The following IREB2 variants were observed in gnomAD, a reference collection of about 807,000 sequenced individuals.
IREB2 encodes iron responsive element binding protein 2, also known as iron-responsive element-binding protein 2.
In IREB2, 39 loss-of-function variants were observed where a neutral mutation model predicts 118.8. The observed-to-expected ratio is 0.33, with a 90% CI of 0.25 to 0.43. IREB2 has a LOEUF of 0.43. Ranked by LOEUF, IREB2 falls within the 20% of genes least tolerant of loss-of-function variation. The pLI, the probability that IREB2 is intolerant of heterozygous loss-of-function variation, is 1.00. For synonymous variants in IREB2, 372 were observed against 392.2 expected (o/e 0.95, Z 0.61); for missense variants, 900 against 1,147.3 (o/e 0.78, Z 3.11).
intron 18 of IREB2, among the ~76,000 whole-genome samples, chr15:78,491,669 T>TA (rs1365913327): frequency 1.3e-5 from 2 of 152,126 alleles, no homozygotes. Flanking sequence ...AGCAAGTTTT[T>TA]ATATTTTTAG....
intron 2 of IREB2, among the ~76,000 whole-genome samples, chr15:78,442,184 C>T (rs1461902084): frequency 6.6e-6 from 1 of 152,188 alleles, no homozygotes; most frequent in Non-Finnish European, 1.5e-5. Context: ...GAGTGAGCCA[C>T]TGCGCCCAGC....
intron 2 of IREB2, among the ~76,000 whole-genome samples, chr15:78,443,525 G>A (rs866064334): frequency 1.3e-5 from 2 of 151,810 alleles, no homozygotes; most frequent in African/African-American, 2.4e-5. Flanking sequence ...TATACTCAGG[G>A]TATCTCTATG....
At chr15:78,496,802 G>T (rs1222173175) in intron 20 of IREB2, among the ~76,000 whole-genome samples, 3 of 152,134 alleles carry the variant, frequency 2.0e-5, no homozygotes, top group Non-Finnish European at 4.4e-5. Context: ...GATCTGGCAT[G>T]TTTAAATAGA....
At chr15:78,466,597 T>A in intron 5 of IREB2, 108 bp downstream of exon 5, 1 of 715,092 alleles carries the variant, frequency 1.4e-6, no homozygotes, top group Non-Finnish European at 2.4e-6. Context: ...CCTTCACACT[T>A]AAGTACTGAA....
At position 78,471,597 on chromosome 15, in the gene IREB2, T is replaced by C. The variant is rs149204763; in HGVS notation, c.700-144T>C. 3.3e-3 allele frequency: 1,505 copies of C among 462,318 alleles called. 21 individuals carry two copies. Among genetic ancestry groups the C allele is most frequent in the African/African-American group, 0.027 (1,358 of 50,328 alleles). 28.6% of individuals were successfully genotyped at this position (462,318 alleles called of 1,614,324 possible). A position where few individuals can be genotyped will look rare whatever the true frequency, so the allele number is the denominator to read the frequency against. The stretch of plus-strand genomic sequence containing the variant: ...TACATTTAGGTTCAGTATCTGTATA[T>C]TTGTTTTTAACTATGTGATATGAAC... On this transcript the variant is annotated intron_variant, in intron 6 of 21. Transcript: ENST00000258886.
At chr15:78,453,922 C>T (rs761808870) in intron 2 of IREB2, among the ~76,000 whole-genome samples, 9 of 152,282 alleles carry the variant, frequency 5.9e-5, no homozygotes, top group African/African-American at 1.4e-4. Flanking sequence ...AGTTTCTCTG[C>T]GTTGATGTTT....
At chr15:78,468,965 C>A (rs533446052) in intron 5 of IREB2, among the ~76,000 whole-genome samples, 1 of 152,242 alleles carries the variant, frequency 6.6e-6, no homozygotes, top group South Asian at 2.1e-4. Context: ...TCATTGATTT[C>A]TTTAGTTTTT....
intron 8 of IREB2, chr15:78,474,603 T>G (rs1193821539): frequency 6.6e-6 from 1 of 152,236 alleles, no homozygotes; most frequent in Non-Finnish European, 1.5e-5. Flanking sequence ...GTTAAAAAAT[T>G]AATCTATTAT....
intron 20 of IREB2, among the ~76,000 whole-genome samples, chr15:78,496,158 G>C (rs11636431): frequency 0.21 from 31,302 of 152,138 alleles, 3,956 homozygotes; most frequent in East Asian, 0.33. Context: ...TGCGGTTTCA[G>C]CATTGTCTTC....
rs2051792873 is a variant in IREB2, at chr15:78,493,822, A to G, written c.2325-87A>G. The stretch of plus-strand genomic sequence containing the variant: ...TTGTGTTTGAAATTTTCTGTGATAA[A>G]AAAATTTTTCAATAGGTCTTACAGC... On this transcript the variant is annotated intron_variant, in intron 18 of 21. Transcript: ENST00000258886. 2.3e-6 allele frequency: 3 copies of G among 1,303,040 alleles called. No individual in the cohort carries two copies. The East Asian group carries it at 7.1e-5, about 31-fold the overall frequency. The allele number at this position is 1,303,040 out of a possible 1,614,324, so 80.7% of individuals were successfully genotyped here.
Position 78,466,373 on chromosome 15 carries a change from G to A in IREB2, c.513G>A (p.Gln171=), listed in dbSNP as rs2051282783. 6.2e-7 allele frequency: 1 copy of A among 1,614,094 alleles called. No homozygotes were observed. Among genetic ancestry groups the A allele is most frequent in the African/African-American group, 1.3e-5 (1 of 75,038 alleles). ...VQPKKLPCRG[Q]TTCRGSCDSG... is the part of the protein sequence containing the mutation. ...CTAAGAAGCTTCCCTGCAGAGGCCA[G>A]ACTACCTGCCGAGGATCTTGTGATT... The change falls in exon 5 of 22, where the codon CAG becomes CAA. Residue 171 remains glutamine, a synonymous_variant. Transcript: ENST00000258886.
chr15:78,438,700 C>T (rs1354271204), intron 1 of IREB2: 2 of 391,432 alleles, frequency 5.1e-6, no homozygotes, highest in Non-Finnish European at 9.4e-6. Context: ...CCGTCTTCTC[C>T]TGCCCGCCCC....
At chr15:78,493,379 T>G (rs1397790109) in intron 18 of IREB2, among the ~76,000 whole-genome samples, 1 of 152,188 alleles carries the variant, frequency 6.6e-6, no homozygotes, top group African/African-American at 2.4e-5. Context: ...TTCTGCATCC[T>G]GTGAATAATA....
intron 2 of IREB2, among the ~76,000 whole-genome samples, chr15:78,448,474 AAAAAG>A (rs745414282): frequency 3.3e-5 from 5 of 152,188 alleles, no homozygotes; most frequent in Non-Finnish European, 7.4e-5. Context: ...AAGAGAGAAA[AAAAAG>A]GTCAGAATTT....
chr15:78,444,320 T>C (rs536973836), intron 2 of IREB2, among the ~76,000 whole-genome samples: 9 of 152,018 alleles, frequency 5.9e-5, no homozygotes, highest in African/African-American at 2.2e-4. Flanking sequence ...ATGAACAGCA[T>C]AATGGAAACA....
Position 78,471,897 on chromosome 15 carries a change from G to A in IREB2, c.856G>A (p.Val286Met). The change falls in exon 7 of 22, where the codon GTG becomes ATG. Residue 286 changes from valine to methionine, a missense_variant. By Grantham distance (21) the Val-to-Met change is conservative (BLOSUM62 1). Transcript: ENST00000258886. ...VVGTDSHITM[V>M]NGLGILGWGV... ...CGGCACAGATTCACACATAACGATGGTGAATGGTTTAGGGATTCTGGGGTG... is the reference window on the plus strand; with the variant it reads ...CGGCACAGATTCACACATAACGATGATGAATGGTTTAGGGATTCTGGGGTG... 2 of 1,604,966 alleles carry A rather than the reference G, an allele frequency of 1.2e-6. No homozygotes were observed. Among genetic ancestry groups the A allele is most frequent in the Non-Finnish European group, 8.5e-7 (1 of 1,176,106 alleles).
At chr15:78,493,838 G>C in intron 18 of IREB2, 71 bp from the exon 19 acceptor site, 5 of 1,453,656 alleles carry the variant, frequency 3.4e-6, no homozygotes, top group Non-Finnish European at 3.7e-6. Flanking sequence ...TTTTCAATAG[G>C]TCTTACAGCT....
chr15:78,455,798 T>C (rs1421642429), intron 2 of IREB2, among the ~76,000 whole-genome samples: 3 of 152,232 alleles, frequency 2.0e-5, no homozygotes, highest in Admixed American at 2.0e-4. Context: ...ATATTTGTTA[T>C]CTATTACTGC....
At chr15:78,484,323 A>G (rs761181836) in intron 11 of IREB2, among the ~76,000 whole-genome samples, 3 of 152,176 alleles carry the variant, frequency 2.0e-5, no homozygotes, top group African/African-American at 4.8e-5. Context: ...GTACCTGTCA[A>G]TTAGCTTCAA....
Sources: gnomAD v4.1 joint callset for allele counts (sites outside exome capture counted in the v4.1 genomes callset) on GRCh38, gnomAD v4.1.1 for gene constraint, MANE v1.5 for transcripts, NCBI Gene and HGNC (gene_info 2026-07-23, HGNC 2026-07-21) for gene names.